The following TJP2 variants were observed in gnomAD, a reference collection of about 807,000 sequenced individuals.
The protein encoded by TJP2 is Friedreich ataxia region gene X104 (tight junction protein ZO-2).
In TJP2, 91 loss-of-function variants were observed where a neutral mutation model predicts 133.1. The observed-to-expected ratio is 0.68, with a 90% CI of 0.58 to 0.81. The LOEUF is 0.81. TJP2 is among the 40% of genes least tolerant of loss of function. The pLI, the probability that TJP2 is intolerant of heterozygous loss-of-function variation, is 0.00. For synonymous variants in TJP2, 592 were observed against 583.4 expected (o/e 1.01, Z -0.21); for missense variants, 1,541 against 1,565.6 (o/e 0.98, Z 0.26).
chr9:69,230,733 A>T (rs1829710610), intron 11 of TJP2, among the ~76,000 whole-genome samples: 1 of 152,110 alleles, frequency 6.6e-6, no homozygotes, highest in Admixed American at 6.6e-5. Flanking sequence ...TTTAATGGGG[A>T]TGAGAATACC....
At chr9:69,186,285 A>G (rs74533275) in intron 1 of TJP2, among the ~76,000 whole-genome samples, 5 of 152,182 alleles carry the variant, frequency 3.3e-5, no homozygotes, top group African/African-American at 9.7e-5. Flanking sequence ...GGAGTGGTCA[A>G]GATGTATTGA....
At position 69,221,249 on chromosome 9, in the gene TJP2, G is replaced by C; in HGVS notation, c.705G>C (p.Arg235=). The C allele has an allele frequency of 6.2e-7, 1 of 1,608,078 alleles. No homozygotes were observed. The highest frequency in any genetic ancestry group is 1.1e-5 in the South Asian group (1 of 90,296). ...LDHDFGPSRD[R]DRDRSRGRSI... is the part of the protein sequence containing the mutation. ...ACGACTTTGGGCCATCCCGGGACCGGGACCGTGACCGCAGCCGCGGCCGGA... is the reference window on the plus strand; with the variant it reads ...ACGACTTTGGGCCATCCCGGGACCGCGACCGTGACCGCAGCCGCGGCCGGA... The change falls in exon 5 of 23, where the codon CGG becomes CGC. Residue 235 remains arginine, a synonymous_variant. Transcript: ENST00000377245.
rs149439289 is a variant in TJP2, at chr9:69,237,923, T to C, written c.2225T>C (p.Ile742Thr). 157 of 1,613,930 alleles carry C rather than the reference T, an allele frequency of 9.7e-5. No homozygotes were observed. Among genetic ancestry groups the C allele is most frequent in the Middle Eastern group, 1.6e-4 (1 of 6,078 alleles). Reference protein sequence around the residue: ...PVVLFGPIADIAMEKLANELP... With the variant: ...PVVLFGPIADTAMEKLANELP... ...GTCTTATTCGGCCCCATAGCTGATA[T>C]AGCAATGGAAAAATTGGCTAATGAG... The change falls in exon 15 of 23, where the codon ATA (isoleucine) becomes ACA (threonine). Residue 742 changes from isoleucine to threonine, a missense_variant. Coordinates refer to ENST00000377245, the MANE Select transcript of TJP2 (RefSeq NM_004817.4).
chr9:69,128,813 A>G (rs1268895842), intron 1 of TJP2, among the ~76,000 whole-genome samples: 3 of 152,194 alleles, frequency 2.0e-5, no homozygotes, highest in Non-Finnish European at 4.4e-5. Flanking sequence ...GGCGTGAGCC[A>G]CTGCGCCTGG....
chr9:69,242,777 G>C (rs1399297406), intron 17 of TJP2, among the ~76,000 whole-genome samples: 3 of 152,172 alleles, frequency 2.0e-5, no homozygotes, highest in African/African-American at 7.2e-5. Flanking sequence ...AGCTTGACCA[G>C]GTTTTGACTT....
At chr9:69,183,545 T>G (rs1475473153) in intron 1 of TJP2, among the ~76,000 whole-genome samples, 1 of 152,218 alleles carries the variant, frequency 6.6e-6, no homozygotes, top group Non-Finnish European at 1.5e-5. Context: ...GTATTCCATT[T>G]ATATGCATCT....
intron 12 of TJP2, 44 bp downstream of exon 12, chr9:69,234,591 G>GGGGGGGGGGGGC: frequency 1.7e-6 from 1 of 572,878 alleles, no homozygotes; most frequent in Non-Finnish European, 3.4e-6. Context: ...TGGGGGTGGG[G>GGGGGGGGGGGGC]AGTGGGAAGG....
intron 2 of TJP2, among the ~76,000 whole-genome samples, chr9:69,156,601 C>G (rs1043974279): frequency 4.8e-5 from 7 of 147,192 alleles, no homozygotes; most frequent in African/African-American, 1.8e-4. Context: ...GCGCGATCTC[C>G]GCTCACTGCA....
At chr9:69,229,974 A>G (rs1473318150) in intron 10 of TJP2, 108 bp from the exon 11 acceptor site, 49 of 1,416,912 alleles carry the variant, frequency 3.5e-5, no homozygotes, top group Admixed American at 8.5e-5. Flanking sequence ...TTTGTAAACT[A>G]TAAATCACTC....
chr9:69,171,747 G>A (rs1271807052), upstream of TJP2, among the ~76,000 whole-genome samples: 1 of 150,830 alleles, frequency 6.6e-6, no homozygotes, highest in Non-Finnish European at 1.5e-5. Context: ...TTTTATCAAG[G>A]GGTTGACAGA....
At chr9:69,224,759 T>C (rs1448378175) in intron 5 of TJP2, among the ~76,000 whole-genome samples, 4 of 152,172 alleles carry the variant, frequency 2.6e-5, no homozygotes, top group African/African-American at 9.6e-5. Flanking sequence ...TGTTAACATT[T>C]TGCCACACTT....
At position 69,238,690 on chromosome 9, in the gene TJP2, T is replaced by G. The variant is rs764665012; in HGVS notation, c.2276-20T>G. 4 of 1,607,444 alleles carry G rather than the reference T, an allele frequency of 2.5e-6. No individual in the cohort carries two copies. The highest frequency in any genetic ancestry group is 3.4e-6 in the Non-Finnish European group (4 of 1,174,826). On this transcript the variant is annotated intron_variant, in intron 15 of 22. Transcript: ENST00000377245. ...CTGTTTTCTAAACAATTATTTAGCT[T>G]CCTGTTTTTGCTTTTGCAGAAACGG...
At chr9:69,201,814 T>C (rs1312343721) in intron 1 of TJP2, among the ~76,000 whole-genome samples, 1 of 152,208 alleles carries the variant, frequency 6.6e-6, no homozygotes, top group African/African-American at 2.4e-5. Flanking sequence ...CGCCACCACG[T>C]AGACGAACCT....
chr9:69,192,387 T>C (rs1206983225), intron 1 of TJP2, among the ~76,000 whole-genome samples: 1 of 152,184 alleles, frequency 6.6e-6, no homozygotes, highest in African/African-American at 2.4e-5. Flanking sequence ...CTAGAGATCA[T>C]ACAGCTGGCT....
At chr9:69,217,424 G>A (rs1397870589) in intron 3 of TJP2, among the ~76,000 whole-genome samples, 1 of 152,238 alleles carries the variant, frequency 6.6e-6, no homozygotes, top group African/African-American at 2.4e-5. Context: ...TAAAGCCTCT[G>A]TGAACTAAGC....
intron 6 of TJP2, 55 bp from the exon 7 acceptor site, chr9:69,225,967 T>C: frequency 1.3e-5 from 20 of 1,593,432 alleles, no homozygotes; most frequent in Non-Finnish European, 1.6e-5. Flanking sequence ...AAATATGAAT[T>C]TTCTACTGTG....
At chr9:69,196,502 G>A (rs1233566065) in intron 1 of TJP2, among the ~76,000 whole-genome samples, 1 of 152,182 alleles carries the variant, frequency 6.6e-6, no homozygotes, top group Non-Finnish European at 1.5e-5. Context: ...ACAGATGGAG[G>A]AAACTGAGGC....
chr9:69,140,341 G>A (rs1050088723), intron 1 of TJP2, among the ~76,000 whole-genome samples: 1 of 152,206 alleles, frequency 6.6e-6, no homozygotes, highest in African/African-American at 2.4e-5. Flanking sequence ...TATTAGCCCT[G>A]CTTTACAGAT....
At chr9:69,204,679 C>A in intron 1 of TJP2, 1 of 358,584 alleles carries the variant, frequency 2.8e-6, no homozygotes, top group Non-Finnish European at 3.9e-6. Context: ...TTTTTAATTT[C>A]TGTGTAACAT....
Sources: gnomAD v4.1 joint callset for allele counts (sites outside exome capture counted in the v4.1 genomes callset) on GRCh38, gnomAD v4.1.1 for gene constraint, MANE v1.5 for transcripts, NCBI Gene and HGNC (gene_info 2026-07-23, HGNC 2026-07-21) for gene names.